CABLES2: variants seen among roughly 807,000 people sequenced by gnomAD.
The protein encoded by CABLES2 is CDK5 and ABL1 enzyme substrate 2.
Under a neutral mutation model 44.8 loss-of-function variants are expected in CABLES2, and 35 were observed. The observed-to-expected ratio is 0.78, with a 90% CI of 0.60 to 1.04. The LOEUF (loss-of-function observed/expected upper bound fraction) is 1.04. Among genes scored for constraint, CABLES2 ranks in the 50% least tolerant of loss-of-function variants. The probability of loss-of-function intolerance (pLI) is 0.00; values close to 1 mark genes in which losing one functional copy is unlikely to be tolerated. For synonymous variants in CABLES2, 282 were observed against 281.1 expected (o/e 1.00, Z -0.03); for missense variants, 566 against 615.7 (o/e 0.92, Z 0.85).
intron 1 of CABLES2, among the ~76,000 whole-genome samples, chr20:62,399,235 C>T (rs560569525): frequency 3.2e-5 from 3 of 93,210 alleles, no homozygotes; most frequent in Admixed American, 2.0e-4. Flanking sequence ...CAGGCGTGAG[C>T]CACCATATTT....
In CABLES2 at chr20:62,393,889, C is replaced by T. The variant is rs145657092; in HGVS notation, c.714+268G>A. On this transcript the variant is annotated intron_variant, in intron 5 of 9. Transcript: ENST00000279101. ...ACCAGCACAGAGGCCAGAGGGTTGG[C>T]GAGCCCCACCCTGCAGCAGGGGGGT... 5.9e-3 allele frequency among the ~76,000 whole-genome samples: 899 copies of T among 152,316 alleles called. 15 individuals carry two copies. The highest frequency in any genetic ancestry group is 0.02 in the African/African-American group (830 of 41,574).
chr20:62,396,504 C>T lies in CABLES2; in HGVS notation c.434+17G>A, dbSNP rs186885673. ...CCGAGCGGAGTCGTAGAGCTCGGGG[C>T]GGACGGGGGCGTGTACCTCTGTGCT... On this transcript the variant is annotated intron_variant, in intron 2 of 9. Transcript: ENST00000279101. This position sits in a 1 kb window ranked among gnomAD's most constrained non-coding sequence, Gnocchi z 5.7. 1.9e-4 allele frequency: 300 copies of T among 1,613,632 alleles called. No homozygotes were observed. In the African/African-American group the frequency reaches 2.5e-3, roughly 13 times the overall value.
At chr20:62,400,305 G>A (rs1258392811) in intron 1 of CABLES2, among the ~76,000 whole-genome samples, 1 of 152,200 alleles carries the variant, frequency 6.6e-6, no homozygotes, top group Non-Finnish European at 1.5e-5. Flanking sequence ...GCTGGGGTAG[G>A]CAGCAGGCTC....
rs545718228 is a variant in CABLES2 at position 62,395,395 on chromosome 20, C to T, written c.528-381G>A. Among the ~76,000 whole-genome samples, 216 of 152,144 alleles carry T rather than the reference C, an allele frequency of 1.4e-3. 2 individuals are homozygous for T. Among genetic ancestry groups the T allele is most frequent in the East Asian group, 7.8e-4 (4 of 5,144 alleles). ...GAGGCAGCCAGAGGGGACAGGATGG[C>T]GAGGCCAAGGGCTGCCTCGAGCCAG... On this transcript the variant is annotated intron_variant, in intron 3 of 9. Transcript: ENST00000279101.
chr20:62,399,593 C>CTTTTT (rs71195455), intron 1 of CABLES2, among the ~76,000 whole-genome samples: 5 of 107,636 alleles, frequency 4.6e-5, no homozygotes, highest in Non-Finnish European at 8.9e-5. Context: ...GGGTCAGGTC[C>CTTTTT]TTTTTTTTTT....
chr20:62,390,581 G>A lies in CABLES2; in HGVS notation c.*390C>T. ...CCCAGATCTCCACCCTGACGCTGTG[G>A]TGGCTGCGGTGGTTTGCAGAAGGCG... On this transcript the variant is annotated 3_prime_UTR_variant, in exon 10 of 10. Transcript: ENST00000279101. 1 of 223,036 alleles carries A rather than the reference G, an allele frequency of 4.5e-6. No individual in the cohort carries two copies. The highest frequency in any genetic ancestry group is 9.1e-6 in the Non-Finnish European group (1 of 110,306). 13.8% of individuals were successfully genotyped at this position (223,036 alleles called of 1,614,324 possible). A position where few individuals can be genotyped will look rare whatever the true frequency, so the allele number is the denominator to read the frequency against.
chr20:62,399,169 C>A (rs1413470219), intron 1 of CABLES2, among the ~76,000 whole-genome samples: 1 of 152,166 alleles, frequency 6.6e-6, no homozygotes, highest in Non-Finnish European at 1.5e-5. Flanking sequence ...AGTCTGGTCT[C>A]AAACTCCTGA....
chr20:62,396,298 C>G lies in CABLES2; in HGVS notation c.527+17G>C. 1 of 1,611,340 alleles carries G rather than the reference C, an allele frequency of 6.2e-7. No individual in the cohort carries two copies. Among genetic ancestry groups the G allele is most frequent in the South Asian group, 1.1e-5 (1 of 91,036 alleles). ...GGAGACCACAGCCCTGGCCCGGTTC[C>G]CGGCTCCGCTTCATACCTGCTGTTC... On this transcript the variant is annotated intron_variant, in intron 3 of 9. Coordinates refer to ENST00000279101, the MANE Select transcript of CABLES2 (RefSeq NM_031215.3). This position sits in a 1 kb window ranked among gnomAD's most constrained non-coding sequence, Gnocchi z 5.7.
chr20:62,404,706 G>A (rs1816949585), intron 1 of CABLES2: 1 of 152,410 alleles, frequency 6.6e-6, no homozygotes, highest in Non-Finnish European at 1.5e-5. Context: ...TCCAGGAACA[G>A]AGTGGGGTTC....
intron 1 of CABLES2, among the ~76,000 whole-genome samples, chr20:62,398,145 G>GTGGTGA (rs1988098062): frequency 7.3e-6 from 1 of 137,362 alleles, no homozygotes; most frequent in South Asian, 2.5e-4. Context: ...GGTGATGGTG[G>GTGGTGA]TGGTGGTGGT....
chr20:62,398,009 T>TATGACAGTGGTG (rs1555890720), intron 1 of CABLES2, among the ~76,000 whole-genome samples: 1 of 84,026 alleles, frequency 1.2e-5, no homozygotes, highest in African/African-American at 5.2e-5. Context: ...TGGTGATGGT[T>TATGACAGTGGTG]ATGGCGGTGG....
intron 4 of CABLES2, 97 bp downstream of exon 4, chr20:62,394,840 G>A (rs1987987121): frequency 1.6e-5 from 17 of 1,079,786 alleles, no homozygotes; most frequent in Non-Finnish European, 2.1e-5. Context: ...GCACCTGGGG[G>A]CGCAGTGCCC....
intron 1 of CABLES2, among the ~76,000 whole-genome samples, chr20:62,400,006 A>G (rs547919994): frequency 6.6e-6 from 1 of 152,350 alleles, no homozygotes; most frequent in East Asian, 1.9e-4. Context: ...AGATGTGATT[A>G]AAATCTTTTA....
intron 5 of CABLES2, 47 bp downstream of exon 5, chr20:62,394,110 G>C (rs1212078847): frequency 6.7e-7 from 1 of 1,495,598 alleles, no homozygotes; most frequent in Non-Finnish European, 9.3e-7. Flanking sequence ...CCACCCGCCT[G>C]CCTGGCCCTG....
chr20:62,400,159 G>A lies in CABLES2; in HGVS notation c.363-3567C>T, dbSNP rs576666369. ...AGTCCCAGCTGGAGGTGGGGGCAGG[G>A]GACCAGCCGGATGGCTGCAGAAGGT... is the stretch of plus-strand genomic sequence containing the variant. On this transcript the variant is annotated intron_variant, in intron 1 of 9. Coordinates refer to ENST00000279101, the MANE Select transcript of CABLES2 (RefSeq NM_031215.3). Among the ~76,000 whole-genome samples the A allele has an allele frequency of 5.1e-4, 78 of 152,334 alleles. No homozygotes were observed. In the South Asian group the frequency reaches 0.016, roughly 32 times the overall value.
chr20:62,400,259 G>A (rs1371621768), intron 1 of CABLES2, among the ~76,000 whole-genome samples: 1 of 150,982 alleles, frequency 6.6e-6, no homozygotes, highest in Non-Finnish European at 1.5e-5. Flanking sequence ...GGGCTGGCCT[G>A]CACAGTGGGG....
intron 3 of CABLES2, among the ~76,000 whole-genome samples, chr20:62,395,264 G>A (rs1188424896): frequency 6.6e-6 from 1 of 152,168 alleles, no homozygotes; most frequent in Non-Finnish European, 1.5e-5. Context: ...CTGGGACGCC[G>A]CTGCACGTGG....
chr20:62,389,352 G>A lies in CABLES2; in HGVS notation c.*1619C>T, dbSNP rs894553174. ...CACAATAAGAAAGAACAAAGGCTTT[G>A]GTTTGTCCTCATCCTCCAGTCTGTC... On this transcript the variant is annotated 3_prime_UTR_variant, in exon 10 of 10. Transcript: ENST00000279101. The A allele has an allele frequency of 1.3e-5, 2 of 152,278 alleles. No homozygotes were observed. The highest frequency in any genetic ancestry group is 4.8e-5 in the African/African-American group (2 of 41,448). 9.4% of individuals were successfully genotyped at this position (152,278 alleles called of 1,614,324 possible). A position where few individuals can be genotyped will look rare whatever the true frequency, so the allele number is the denominator to read the frequency against.
rs563292324 is a variant in CABLES2, at chr20:62,401,488, G to A, written c.363-4896C>T. Among the ~76,000 whole-genome samples, 4 of 152,350 alleles carry A rather than the reference G, an allele frequency of 2.6e-5. No individual in the cohort carries two copies. In the East Asian group the frequency reaches 5.8e-4, roughly 22 times the overall value. On this transcript the variant is annotated intron_variant, in intron 1 of 9. Transcript: ENST00000279101. ...CTTGGTGCCTCTGGAGGATGGGCTGGGAACCCATGAGATGGACCCCTGCTC... is the reference window on the plus strand; with the variant it reads ...CTTGGTGCCTCTGGAGGATGGGCTGAGAACCCATGAGATGGACCCCTGCTC...
Sources: allele counts gnomAD v4.1 joint callset (sites outside exome capture counted in the v4.1 genomes callset), GRCh38; gene constraint gnomAD v4.1.1; non-coding constraint Gnocchi (gnomAD v3.1); transcripts MANE v1.5; gene names NCBI Gene and HGNC (gene_info 2026-07-23, HGNC 2026-07-21).